EIF3E: variants seen among roughly 807,000 people sequenced by gnomAD.
The protein encoded by EIF3E is eIF-3 p48.
EIF3E carries 25 observed loss-of-function variants against 59.3 expected under a neutral mutation model. The observed-to-expected ratio is 0.42, with a 90% confidence interval of 0.31 to 0.59. The LOEUF is 0.59. Among genes scored for constraint, EIF3E ranks in the 20% least tolerant of loss-of-function variants. The pLI is 0.15. For missense variants in EIF3E, 317 were observed against 534.3 expected, an observed-to-expected ratio of 0.59 and a Z score of 4.01; for synonymous variants, 176 against 170.2, an observed-to-expected ratio of 1.03 and a Z score of -0.26.
intron 5 of EIF3E, among the ~76,000 whole-genome samples, chr8:108,231,261 ACATT>A (rs1370772841): frequency 2.6e-5 from 4 of 152,166 alleles, no homozygotes; most frequent in African/African-American, 9.6e-5. Flanking sequence ...ATTTTAACAT[ACATT>A]ATTATTTTAT....
chr8:108,202,528 T>C (rs772321654), intron 12 of EIF3E, among the ~76,000 whole-genome samples: 1 of 152,086 alleles, frequency 6.6e-6, no homozygotes, highest in Non-Finnish European at 1.5e-5. Context: ...ATTTTTGATA[T>C]GAATATCAGA....
rs531269315 is a variant in EIF3E, at chr8:108,220,740, C to T, written c.723-3280G>A. ...ATCCTCAACTCAGAGCAACTGTTCT[C>T]GCTGAAAGGTTAATAGTTTTAAACA... On this transcript the variant is annotated intron_variant, in intron 7 of 12. Transcript: ENST00000220849. Among the ~76,000 whole-genome samples, 4 of 152,316 alleles carry T rather than the reference C, an allele frequency of 2.6e-5. No homozygotes were observed. In the South Asian group the frequency reaches 6.2e-4, roughly 24 times the overall value.
At chr8:108,246,089 T>C (rs1234548028) in intron 1 of EIF3E, among the ~76,000 whole-genome samples, 2 of 152,262 alleles carry the variant, frequency 1.3e-5, no homozygotes, top group East Asian at 3.9e-4. Context: ...AGTTAGCATA[T>C]ACAGTGTGGA....
chr8:108,205,940 T>G (rs73700820), intron 10 of EIF3E, among the ~76,000 whole-genome samples: 3,042 of 152,292 alleles, frequency 0.02, 88 homozygotes, highest in African/African-American at 0.066. Context: ...ACCTAGTCTG[T>G]ATTGGGTTTG....
At chr8:108,222,469 G>C (rs1815436320) in intron 7 of EIF3E, among the ~76,000 whole-genome samples, 1 of 152,126 alleles carries the variant, frequency 6.6e-6, no homozygotes. Flanking sequence ...GTGGAGATTA[G>C]AGGTGATTAT....
At chr8:108,212,519 C>A (rs957567456) in intron 10 of EIF3E, among the ~76,000 whole-genome samples, 1 of 152,064 alleles carries the variant, frequency 6.6e-6, no homozygotes, top group African/African-American at 2.4e-5. Flanking sequence ...CTTGAAAAAA[C>A]GCTGGGCGCA....
At chr8:108,214,748 T>A in intron 9 of EIF3E, 32 bp from the exon 10 acceptor site, 1 of 1,560,000 alleles carries the variant, frequency 6.4e-7, no homozygotes, top group Non-Finnish European at 8.7e-7. Flanking sequence ...AAATTAATGA[T>A]GCTGACAAGC....
chr8:108,242,674 C>T (rs1003421826), intron 1 of EIF3E: 1 of 1,123,976 alleles, frequency 8.9e-7, no homozygotes, highest in Admixed American at 4.4e-5. Context: ...ATCGAACCTT[C>T]CAAATTACAT....
intron 3 of EIF3E, among the ~76,000 whole-genome samples, chr8:108,237,436 G>C (rs1815754649): frequency 6.6e-6 from 1 of 152,118 alleles, no homozygotes; most frequent in African/African-American, 2.4e-5. Flanking sequence ...ATTTTTAGTA[G>C]AGATGAGGTT....
chr8:108,223,951 C>T (rs1321367987), intron 7 of EIF3E, among the ~76,000 whole-genome samples: 3 of 151,298 alleles, frequency 2.0e-5, no homozygotes, highest in Non-Finnish European at 4.4e-5. Flanking sequence ...GGCACGGTGG[C>T]TCACACCAGT....
At chr8:108,228,985 CA>C in intron 6 of EIF3E, 84 bp downstream of exon 6, 1 of 1,348,854 alleles carries the variant, frequency 7.4e-7, no homozygotes, top group Non-Finnish European at 9.7e-7. Context: ...TTTTAATTCC[CA>C]AAATGCATAG....
At chr8:108,222,780 T>C (rs1225357070) in intron 7 of EIF3E, among the ~76,000 whole-genome samples, 3 of 152,098 alleles carry the variant, frequency 2.0e-5, no homozygotes, top group African/African-American at 7.2e-5. Flanking sequence ...TTCTAAGCTG[T>C]GTAATAGCAG....
In EIF3E at chr8:108,215,921, C is replaced by T. The variant is rs564964006; in HGVS notation, c.951+491G>A. Among the ~76,000 whole-genome samples, 314 of 152,210 alleles carry T rather than the reference C, an allele frequency of 2.1e-3. 2 individuals are homozygous for T. Among genetic ancestry groups the T allele is most frequent in the South Asian group, 6.9e-3 (33 of 4,816 alleles). On this transcript the variant is annotated intron_variant, in intron 9 of 12. Coordinates refer to ENST00000220849, the MANE Select transcript of EIF3E (RefSeq NM_001568.3). ...TAAGAGACACCGCCGTTATAAAATT[C>T]GTAATTACAATGAATTGCCTGGTTT...
In EIF3E at chr8:108,248,656, C is replaced by G. The variant is rs780502157; in HGVS notation, c.47G>C (p.Arg16Pro). 1 of 1,614,164 alleles carries G rather than the reference C, an allele frequency of 6.2e-7. No homozygotes were observed. The highest frequency in any genetic ancestry group is 8.5e-7 in the Non-Finnish European group (1 of 1,180,008). ...TTCAAGAAGCGGAAAGACTAGATGC[C>G]GATCCAAAAAGTGCGCGATGCGAGT... ...LTTRIAHFLD[R>P]HLVFPLLEFL... is the part of the protein sequence containing the mutation. Residue 16 changes from arginine (R) to proline (P), a missense_variant, in exon 1 of 13, where the codon CGG becomes CCG. This residue lies in a region of EIF3E where 30 missense variants were observed against 22.2 expected (regional missense o/e 1.35). Transcript: ENST00000220849.
Position 108,201,847 on chromosome 8 carries a change from T to C in EIF3E, c.*38A>G. 1 of 1,462,134 alleles carries C rather than the reference T, an allele frequency of 6.8e-7. No homozygotes were observed. The highest frequency in any genetic ancestry group is 9.1e-7 in the Non-Finnish European group (1 of 1,101,732). The allele number at this position is 1,462,134 out of a possible 1,614,324, so 90.6% of individuals were successfully genotyped here. On this transcript the variant is annotated 3_prime_UTR_variant, in exon 13 of 13. Coordinates refer to ENST00000220849, the MANE Select transcript of EIF3E (RefSeq NM_001568.3). ...TAATAGTTTTATTATTTCATCTTTCTTTGATAGTTTTTTTTTTCATCTTTT... is the reference window on the plus strand; with the variant it reads ...TAATAGTTTTATTATTTCATCTTTCCTTGATAGTTTTTTTTTTCATCTTTT...
At position 108,236,505 on chromosome 8, in the gene EIF3E, T is replaced by C. The variant is rs1280884458; in HGVS notation, c.324-302A>G. Among the ~76,000 whole-genome samples, 3 of 152,202 alleles carry C rather than the reference T, an allele frequency of 2.0e-5. 1 individual carries two copies. The highest frequency in any genetic ancestry group is 4.4e-5 in the Non-Finnish European group (3 of 68,038). Reference sequence around the variant, plus strand: ...GTCAGACAATAAAACCAGAAGATTCTGACTATTTCTAGTAAGGTCAGTAGT... The same window carrying C: ...GTCAGACAATAAAACCAGAAGATTCCGACTATTTCTAGTAAGGTCAGTAGT... On this transcript the variant is annotated intron_variant, in intron 3 of 12. Transcript: ENST00000220849.
chr8:108,223,907 C>T (rs1457321346), intron 7 of EIF3E, among the ~76,000 whole-genome samples: 1 of 151,236 alleles, frequency 6.6e-6, no homozygotes, highest in Admixed American at 6.6e-5. Context: ...TGATCTCTAA[C>T]GTACTTTTAT....
intron 1 of EIF3E, chr8:108,242,757 AAAG>A (rs1426364191): frequency 5.0e-6 from 4 of 798,802 alleles, no homozygotes; most frequent in East Asian, 1.1e-4. Flanking sequence ...GCACTTCGCA[AAAG>A]AAGACAACCA....
intron 3 of EIF3E, among the ~76,000 whole-genome samples, chr8:108,237,312 T>A (rs1342726050): frequency 6.6e-6 from 1 of 152,202 alleles, no homozygotes; most frequent in African/African-American, 2.4e-5. Flanking sequence ...AGTTCACTGG[T>A]GTAATCTCGG....
Sources: gnomAD v4.1 joint callset for allele counts (sites outside exome capture counted in the v4.1 genomes callset) on GRCh38, gnomAD v4.1.1 for gene constraint, gnomAD v4.1.1 regional missense constraint, MANE v1.5 for transcripts, NCBI Gene and HGNC (gene_info 2026-07-23, HGNC 2026-07-21) for gene names.